PDE4B: variants seen among roughly 807,000 people sequenced by gnomAD.
PDE4B encodes the protein 3',5'-cyclic-AMP phosphodiesterase 4B.
Under a neutral mutation model 82.2 loss-of-function variants are expected in PDE4B, and 20 were observed. The ratio of observed to expected loss-of-function variants is 0.24; its 90% CI spans 0.17 to 0.35. The LOEUF is 0.35. Among genes scored for constraint, PDE4B ranks in the 10% least tolerant of loss-of-function variants. PDE4B has a pLI of 1.00. For synonymous variants in PDE4B, 320 were observed against 318.9 expected (o/e 1.00, Z -0.04); for missense variants, 655 against 907.2 (o/e 0.72, Z 3.57).
rs77061950 is a variant in PDE4B at position 66,044,830 on chromosome 1, C to G, written c.281+125995C>G. ...GATCATTTTATGAGTAAAATTTTAC[C>G]TTTCCTAGAATCCAAGATCATTATT... On this transcript the variant is annotated intron_variant, in intron 3 of 16. Transcript: ENST00000341517. 2.2e-3 allele frequency among the ~76,000 whole-genome samples: 336 copies of G among 151,648 alleles called. 7 individuals carry two copies. The East Asian group carries it at 0.05, about 22-fold the overall frequency.
chr1:66,212,980 T>G (rs1466841124), intron 3 of PDE4B, among the ~76,000 whole-genome samples: 1 of 152,220 alleles, frequency 6.6e-6, no homozygotes, highest in African/African-American at 2.4e-5. Flanking sequence ...CCAAAGTCTA[T>G]GGAGGTCCAC....
intron 1 of PDE4B, among the ~76,000 whole-genome samples, chr1:65,904,291 ATTAAC>A (rs1647003749): frequency 6.6e-6 from 1 of 152,182 alleles, no homozygotes; most frequent in Non-Finnish European, 1.5e-5. Flanking sequence ...AGTCTTCTGT[ATTAAC>A]TTAAAAAAAA....
intron 7 of PDE4B, among the ~76,000 whole-genome samples, chr1:66,310,760 A>G (rs1002869412): frequency 2.6e-5 from 4 of 152,204 alleles, no homozygotes; most frequent in African/African-American, 9.6e-5. Context: ...GGCTAAGAGT[A>G]TAAGACCTGG....
chr1:66,158,392 A>G (rs193237922), intron 3 of PDE4B, among the ~76,000 whole-genome samples: 1 of 152,308 alleles, frequency 6.6e-6, no homozygotes, highest in East Asian at 1.9e-4. Flanking sequence ...CATGTAAATG[A>G]GTGACAGGTA....
At chr1:66,087,395 C>T (rs1657059446) in intron 3 of PDE4B, among the ~76,000 whole-genome samples, 1 of 152,016 alleles carries the variant, frequency 6.6e-6, no homozygotes, top group Non-Finnish European at 1.5e-5. Flanking sequence ...TGGATATTAG[C>T]CCTTTGTCAG....
At chr1:66,273,432 A>G (rs1454053278) in intron 7 of PDE4B, among the ~76,000 whole-genome samples, 2 of 152,400 alleles carry the variant, frequency 1.3e-5, no homozygotes, top group African/African-American at 2.4e-5. Context: ...AAATAAATAT[A>G]TAGTCTCAAT....
At chr1:65,893,570 A>C (rs558843608) in intron 1 of PDE4B, among the ~76,000 whole-genome samples, 2 of 152,138 alleles carry the variant, frequency 1.3e-5, no homozygotes, top group African/African-American at 4.8e-5. Context: ...TGCAACCACC[A>C]TGGAAGACAG....
At chr1:66,009,369 C>G (rs565521574) in intron 3 of PDE4B, among the ~76,000 whole-genome samples, 4 of 152,072 alleles carry the variant, frequency 2.6e-5, no homozygotes, top group Non-Finnish European at 5.9e-5. Context: ...CTTACTGGAT[C>G]TCCCTTCTTT....
chr1:66,164,501 A>G (rs1646679567), intron 3 of PDE4B, among the ~76,000 whole-genome samples: 1 of 125,682 alleles, frequency 8.0e-6, no homozygotes, highest in African/African-American at 3.0e-5. Flanking sequence ...GTGCCACTGC[A>G]CTCCAGCCTG....
chr1:65,924,793 T>C (rs1182450831), intron 3 of PDE4B, among the ~76,000 whole-genome samples: 2 of 152,236 alleles, frequency 1.3e-5, no homozygotes, highest in Admixed American at 6.5e-5. Context: ...TTCCTTGCCA[T>C]GTGGGTCTCA....
At chr1:65,888,128 T>C (rs573488186) in intron 1 of PDE4B, among the ~76,000 whole-genome samples, 1 of 152,240 alleles carries the variant, frequency 6.6e-6, no homozygotes, top group Admixed American at 6.5e-5. Context: ...TTTTTGTATT[T>C]GGTGAGAGTT....
chr1:66,161,267 G>A (rs1173733138), intron 3 of PDE4B, among the ~76,000 whole-genome samples: 6 of 149,534 alleles, frequency 4.0e-5, no homozygotes, highest in African/African-American at 7.3e-5. Context: ...AGGTACAGGC[G>A]TCAAACCTGA....
At chr1:66,208,364 C>A (rs1370259523) in intron 3 of PDE4B, among the ~76,000 whole-genome samples, 1 of 152,134 alleles carries the variant, frequency 6.6e-6, no homozygotes, top group Non-Finnish European at 1.5e-5. Flanking sequence ...GATTAATGAG[C>A]CCTCAAAGAA....
chr1:66,301,366 C>T (rs903511119), intron 7 of PDE4B, among the ~76,000 whole-genome samples: 4 of 151,984 alleles, frequency 2.6e-5, no homozygotes, highest in East Asian at 1.9e-4. Flanking sequence ...ATATTCAAAC[C>T]GTTTTCACTT....
chr1:65,966,027 A>G (rs1444621842), intron 3 of PDE4B, among the ~76,000 whole-genome samples: 1 of 152,174 alleles, frequency 6.6e-6, no homozygotes, highest in Non-Finnish European at 1.5e-5. Flanking sequence ...TATTCAACAT[A>G]GTATTGGAAG....
intron 3 of PDE4B, among the ~76,000 whole-genome samples, chr1:66,057,482 A>G (rs1477566204): frequency 6.6e-6 from 1 of 152,118 alleles, no homozygotes; most frequent in African/African-American, 2.4e-5. Flanking sequence ...GCTAATACAT[A>G]TTATATTCGT....
intron 3 of PDE4B, among the ~76,000 whole-genome samples, chr1:66,015,140 C>A (rs1037772596): frequency 1.3e-5 from 2 of 152,114 alleles, no homozygotes; most frequent in Non-Finnish European, 2.9e-5. Flanking sequence ...TTCTCACTTT[C>A]TTTCACCATA....
intron 3 of PDE4B, among the ~76,000 whole-genome samples, chr1:65,974,276 A>G (rs996018294): frequency 2.6e-5 from 4 of 152,232 alleles, no homozygotes; most frequent in African/African-American, 4.8e-5. Flanking sequence ...GATGTGATCA[A>G]TGACAATAAA....
At chr1:66,233,573 A>G (rs990418481) in intron 3 of PDE4B, among the ~76,000 whole-genome samples, 1 of 152,216 alleles carries the variant, frequency 6.6e-6, no homozygotes, top group African/African-American at 2.4e-5. Context: ...AGAAGCGGAA[A>G]GAACAGGCAT....
Sources: gnomAD v4.1 joint callset for allele counts (sites outside exome capture counted in the v4.1 genomes callset) on GRCh38, gnomAD v4.1.1 for gene constraint, MANE v1.5 for transcripts, NCBI Gene and HGNC (gene_info 2026-07-23, HGNC 2026-07-21) for gene names.